Variants in CD302 observed in about 807,000 individuals in gnomAD.
CD302 encodes the protein CD302 molecule.
Under a neutral mutation model 26.5 loss-of-function variants are expected in CD302, and 23 were observed. The ratio of observed to expected loss-of-function variants is 0.87; its 90% confidence interval spans 0.62 to 1.23. The LOEUF is 1.23. Ranked by LOEUF, CD302 falls within the 50% of genes most tolerant of loss-of-function variation. CD302 has a pLI of 0.00. For synonymous variants in CD302, 90 were observed against 99.4 expected (o/e 0.91, Z 0.56); for missense variants, 290 against 275.5 (o/e 1.05, Z -0.37).
At chr2:159,780,268 A>C (rs1708467486) in intron 3 of CD302, 90 bp from the exon 4 acceptor site, 1 of 1,409,080 alleles carries the variant, frequency 7.1e-7, no homozygotes, top group African/African-American at 1.4e-5. Context: ...GAAAGTTACT[A>C]AGGTATGTCT....
intron 1 of CD302, among the ~76,000 whole-genome samples, chr2:159,797,060 A>G (rs957319047): frequency 3.9e-5 from 6 of 152,164 alleles, no homozygotes; most frequent in African/African-American, 1.4e-4. Flanking sequence ...ACAACCAGTC[A>G]TAAATGCAGG....
intron 5 of CD302, among the ~76,000 whole-genome samples, chr2:159,775,846 G>A (rs1574486635): frequency 6.6e-6 from 1 of 151,486 alleles, no homozygotes; most frequent in African/African-American, 2.4e-5. Context: ...CATACTATAG[G>A]TAAGAATTAT....
In CD302 at chr2:159,770,435, C is replaced by T. The variant is rs747278648; in HGVS notation, c.*1416G>A. The T allele has an allele frequency of 1.3e-5, 2 of 151,908 alleles. No individual in the cohort carries two copies. Among genetic ancestry groups the T allele is most frequent in the Admixed American group, 1.3e-4 (2 of 15,252 alleles). The allele number at this position is 151,908 out of a possible 1,614,324, so 9.4% of individuals were successfully genotyped here. Reference sequence around the variant, plus strand: ...TGCCATTAATTGTGATGAGTGTTTTCGATTCATGTGGTCAATAAAAAGAGA... The same window carrying T: ...TGCCATTAATTGTGATGAGTGTTTTTGATTCATGTGGTCAATAAAAAGAGA... On this transcript the variant is annotated 3_prime_UTR_variant, in exon 6 of 6. Transcript: ENST00000259053.
rs1183396209 is a variant in CD302, at chr2:159,777,933, C to T, written c.496+5G>A. 9.8e-7 allele frequency: 1 copy of T among 1,018,356 alleles called. No individual in the cohort carries two copies. The highest frequency in any genetic ancestry group is 2.6e-5 in the Admixed American group (1 of 37,756). The allele number at this position is 1,018,356 out of a possible 1,614,324, so 63.1% of individuals were successfully genotyped here. ...GAAAAATTTAAAGACCAAATCATTA[C>T]TTACCTGATAAATATTTCCTTTTGT... On this transcript the variant is annotated splice_donor_5th_base_variant and intron_variant, in intron 5 of 5. Coordinates refer to ENST00000259053, the MANE Select transcript of CD302 (RefSeq NM_014880.5).
chr2:159,776,583 T>G (rs1185366402), intron 5 of CD302, among the ~76,000 whole-genome samples: 1 of 152,156 alleles, frequency 6.6e-6, no homozygotes, highest in Non-Finnish European at 1.5e-5. Flanking sequence ...TCCTATAGAT[T>G]AATGAGGATG....
In CD302 at chr2:159,770,451, T is replaced by TA. The variant is rs996534701; in HGVS notation, c.*1399dup. ...GAGTGTTTTCGATTCATGTGGTCAA[T>TA]AAAAAGAGACTACACAAGCTGGAAC... On this transcript the variant is annotated 3_prime_UTR_variant, in exon 6 of 6. Transcript: ENST00000259053. 6.6e-6 allele frequency: 1 copy of TA among 152,048 alleles called. No individual in the cohort carries two copies. Among genetic ancestry groups the TA allele is most frequent in the Non-Finnish European group, 1.5e-5 (1 of 67,988 alleles). 9.4% of individuals were successfully genotyped at this position (152,048 alleles called of 1,614,324 possible).
rs1366747360 is a variant in CD302 at position 159,770,467 on chromosome 2, A to G, written c.*1384T>C. 1 of 152,224 alleles carries G rather than the reference A, an allele frequency of 6.6e-6. No homozygotes were observed. The highest frequency in any genetic ancestry group is 1.5e-5 in the Non-Finnish European group (1 of 68,034). 9.4% of individuals were successfully genotyped at this position (152,224 alleles called of 1,614,324 possible). A position where few individuals can be genotyped will look rare whatever the true frequency, so the allele number is the denominator to read the frequency against. ...TGTGGTCAATAAAAAGAGACTACAC[A>G]AGCTGGAACTTTGTTGCCATTAGTC... On this transcript the variant is annotated 3_prime_UTR_variant, in exon 6 of 6. Coordinates refer to ENST00000259053, the MANE Select transcript of CD302 (RefSeq NM_014880.5).
chr2:159,784,972 CTT>C (rs35915930), intron 1 of CD302, among the ~76,000 whole-genome samples: 8,498 of 111,608 alleles, frequency 0.076, 376 homozygotes, highest in African/African-American at 0.19. Context: ...TCCGTACAGA[CTT>C]TTTTTTTTTT....
chr2:159,770,026 G>A lies in CD302; in HGVS notation c.*1825C>T, dbSNP rs1294228042. Reference sequence around the variant, plus strand: ...GGACATTGTAGTTGTAGACGTTTGAGACTGTTGGTTTTAAGTTGGACTTAA... The same window carrying A: ...GGACATTGTAGTTGTAGACGTTTGAAACTGTTGGTTTTAAGTTGGACTTAA... On this transcript the variant is annotated 3_prime_UTR_variant, in exon 6 of 6. Coordinates refer to ENST00000259053, the MANE Select transcript of CD302 (RefSeq NM_014880.5). 3 of 152,106 alleles carry A rather than the reference G, an allele frequency of 2.0e-5. No individual in the cohort carries two copies. Among genetic ancestry groups the A allele is most frequent in the African/African-American group, 7.2e-5 (3 of 41,410 alleles). The allele number at this position is 152,106 out of a possible 1,614,324, so 9.4% of individuals were successfully genotyped here.
At chr2:159,774,950 C>CCTAT (rs111601402) in intron 5 of CD302, among the ~76,000 whole-genome samples, 6 of 152,276 alleles carry the variant, frequency 3.9e-5, no homozygotes, top group African/African-American at 1.4e-4. Flanking sequence ...AAGCCTAATC[C>CCTAT]CTATCTACAT....
chr2:159,786,951 T>A (rs143341633), intron 1 of CD302, among the ~76,000 whole-genome samples: 1 of 152,338 alleles, frequency 6.6e-6, no homozygotes, highest in Non-Finnish European at 1.5e-5. Context: ...GTTTTTGAAC[T>A]TTATAGTTAT....
chr2:159,788,474 C>T (rs1216197203), intron 1 of CD302, among the ~76,000 whole-genome samples: 1 of 152,204 alleles, frequency 6.6e-6, no homozygotes, highest in Non-Finnish European at 1.5e-5. Flanking sequence ...TGTGTAAGTA[C>T]ACTCTACGAT....
At chr2:159,777,717 A>G (rs912512967) in intron 5 of CD302, among the ~76,000 whole-genome samples, 7 of 152,218 alleles carry the variant, frequency 4.6e-5, no homozygotes, top group Non-Finnish European at 1.0e-4. Context: ...ATGAATCTAA[A>G]AAAATATTCC....
At chr2:159,783,288 T>C in intron 2 of CD302, 71 bp downstream of exon 2, 1 of 1,297,488 alleles carries the variant, frequency 7.7e-7, no homozygotes. Flanking sequence ...ACAAAATCAA[T>C]TTTTAAAGAA....
Position 159,771,908 on chromosome 2 carries a change from A to G in CD302, c.642T>C (p.Asn214=). The change falls in exon 6 of 6, where the codon AAT becomes AAC. Residue 214 remains asparagine, a synonymous_variant. Coordinates refer to ENST00000259053, the MANE Select transcript of CD302 (RefSeq NM_014880.5). ...VFSTAPQSPY[N]EDCVLVVGEE... is the part of the protein sequence containing the mutation. ...CTCCAACTACCAAAACACAGTCTTC[A>G]TTATAAGGTGATTGGGGTGCGGTTG... is the stretch of plus-strand genomic sequence containing the variant. The G allele has an allele frequency of 6.2e-7, 1 of 1,614,046 alleles. No homozygotes were observed. The highest frequency in any genetic ancestry group is 8.5e-7 in the Non-Finnish European group (1 of 1,179,930).
chr2:159,789,044 ATC>A (rs1179425934), intron 1 of CD302, among the ~76,000 whole-genome samples: 7 of 151,194 alleles, frequency 4.6e-5, no homozygotes, highest in Non-Finnish European at 5.9e-5. Context: ...TTAAGACAAG[ATC>A]TCTCTCTGTC....
chr2:159,786,436 T>C (rs1708667911), intron 1 of CD302, among the ~76,000 whole-genome samples: 1 of 151,360 alleles, frequency 6.6e-6, no homozygotes, highest in Non-Finnish European at 1.5e-5. Context: ...TGGGTTCAAG[T>C]GATTCTCCTG....
At chr2:159,778,543 G>A (rs780237316) in intron 4 of CD302, among the ~76,000 whole-genome samples, 7 of 152,168 alleles carry the variant, frequency 4.6e-5, no homozygotes, top group Non-Finnish European at 8.8e-5. Context: ...GTAAAGAAAT[G>A]TACATACTTC....
chr2:159,781,733 C>T (rs1708517982), intron 2 of CD302, among the ~76,000 whole-genome samples: 1 of 152,064 alleles, frequency 6.6e-6, no homozygotes, highest in African/African-American at 2.4e-5. Context: ...TGAAATAAAA[C>T]CATATTGGCA....
Sources: allele counts gnomAD v4.1 joint callset (sites outside exome capture counted in the v4.1 genomes callset), GRCh38; gene constraint gnomAD v4.1.1; transcripts MANE v1.5; gene names NCBI Gene and HGNC (gene_info 2026-07-23, HGNC 2026-07-21).